The following ITGA2B variants were observed in gnomAD, a reference collection of about 807,000 sequenced individuals.
ITGA2B encodes the protein integrin alpha-IIb.
A neutral mutation model predicts 142.0 loss-of-function variants in ITGA2B; 91 were observed. The ratio of observed to expected loss-of-function variants is 0.64; its 90% confidence interval spans 0.54 to 0.76. The LOEUF (loss-of-function observed/expected upper bound fraction) is 0.76, where lower values mean the gene tolerates loss of function less well. Ranked by LOEUF, ITGA2B falls within the 30% of genes least tolerant of loss-of-function variation. The probability of loss-of-function intolerance (pLI) is 0.00; values close to 1 mark genes in which losing one functional copy is unlikely to be tolerated. For synonymous variants in ITGA2B, 536 were observed against 567.2 expected, an observed-to-expected ratio of 0.94 and a Z score of 0.78; for missense variants, 1,231 against 1,350.8, an observed-to-expected ratio of 0.91 and a Z score of 1.39.
intron 20 of ITGA2B, 98 bp from the exon 21 acceptor site, chr17:44,377,888 GGA>G: frequency 5.1e-6 from 4 of 786,242 alleles, no homozygotes; most frequent in East Asian, 5.4e-5. Context: ...GCCAAGGTAG[GGA>G]GGGGGGGGTT....
chr17:44,382,884 G>A lies in ITGA2B; in HGVS notation c.1210+609C>T, dbSNP rs551732658. Among the ~76,000 whole-genome samples the A allele has an allele frequency of 3.1e-3, 468 of 152,052 alleles. 4 individuals are homozygous for A. The highest frequency in any genetic ancestry group is 6.8e-3 in the Middle Eastern group (2 of 294). Reference sequence around the variant, plus strand: ...TCCTTCTCAGACTTACCTCCTGTAGGAGTCACCTAAATGCTTTTGCTCCCT... The same window carrying A: ...TCCTTCTCAGACTTACCTCCTGTAGAAGTCACCTAAATGCTTTTGCTCCCT... On this transcript the variant is annotated intron_variant, in intron 12 of 29. Transcript: ENST00000262407.
intron 12 of ITGA2B, 48 bp downstream of exon 12, chr17:44,383,445 G>T: frequency 1.3e-6 from 2 of 1,544,784 alleles, no homozygotes; most frequent in Non-Finnish European, 1.8e-6. Context: ...TGCTTTTTGA[G>T]TGGCTGTTAA....
At chr17:44,385,468 G>T in intron 4 of ITGA2B, 83 bp downstream of exon 4, 2 of 1,523,590 alleles carry the variant, frequency 1.3e-6, no homozygotes, top group Non-Finnish European at 1.8e-6. Flanking sequence ...CAAAGCAAGG[G>T]CTGCGGCGCT....
At chr17:44,384,242 C>T in intron 9 of ITGA2B, 69 bp downstream of exon 9, 3 of 1,586,462 alleles carry the variant, frequency 1.9e-6, no homozygotes, top group Non-Finnish European at 2.6e-6. Context: ...GGGTGGGGGG[C>T]GCTCAGGAGT....
chr17:44,383,483 C>T lies in ITGA2B; in HGVS notation c.1210+10G>A, dbSNP rs747385956. On this transcript the variant is annotated intron_variant, in intron 12 of 29. Transcript: ENST00000262407. ...CCTCTGCAGCAAGTAGGGCTCCTCT[C>T]TTCCCTCACCATTGTAGCCATCCCG... 2 of 1,603,846 alleles carry T rather than the reference C, an allele frequency of 1.2e-6. No individual in the cohort carries two copies. The highest frequency in any genetic ancestry group is 1.7e-6 in the Non-Finnish European group (2 of 1,178,174).
chr17:44,376,313 C>G lies in ITGA2B; in HGVS notation c.2343G>C (p.Leu781=). ...CTCCACCCCTGGCCTCTCACCCTCG[C>G]AGCTCCACTTGGGCCTCTGCCCGGA... The part of the protein sequence containing the change: ...VPVRAEAQVE[L]RGNSFPASLV... The change falls in exon 23 of 30, where the codon CTG becomes CTC. Residue 781 remains leucine, a synonymous_variant. Transcript: ENST00000262407. 1 of 1,614,216 alleles carries G rather than the reference C, an allele frequency of 6.2e-7. No individual in the cohort carries two copies. The highest frequency in any genetic ancestry group is 2.2e-5 in the East Asian group (1 of 44,880).
Position 44,376,073 on chromosome 17 carries a change from G to A in ITGA2B, c.2448+12C>T. 1 of 1,614,036 alleles carries A rather than the reference G, an allele frequency of 6.2e-7. No individual in the cohort carries two copies. On this transcript the variant is annotated intron_variant, in intron 24 of 29. Transcript: ENST00000262407. ...CGCTCACCCCAGCCAGGGACGCGAG[G>A]CTCCCCAATACCTCATAGGTGTGCT... is the stretch of plus-strand genomic sequence containing the variant.
chr17:44,378,051 A>G (rs1320064385), intron 20 of ITGA2B, among the ~76,000 whole-genome samples: 1 of 152,106 alleles, frequency 6.6e-6, no homozygotes, highest in African/African-American at 2.4e-5. Context: ...CAACATAAAA[A>G]ATAAATATAT....
At position 44,375,209 on chromosome 17, in the gene ITGA2B, G is replaced by A. The variant is rs564223176; in HGVS notation, c.2728-98C>T. On this transcript the variant is annotated intron_variant, in intron 26 of 29. Coordinates refer to ENST00000262407, the MANE Select transcript of ITGA2B (RefSeq NM_000419.5). ...AGGACCCAACGCAGAAGGGGCCGGGGGTTCAGGAAGCGGTGGCCTTCCCAT... is the reference window on the plus strand; with the variant it reads ...AGGACCCAACGCAGAAGGGGCCGGGAGTTCAGGAAGCGGTGGCCTTCCCAT... The A allele has an allele frequency of 8.8e-4, 889 of 1,009,626 alleles. 5 individuals carry two copies. Among genetic ancestry groups the A allele is most frequent in the Middle Eastern group, 4.6e-3 (19 of 4,120 alleles). 62.5% of individuals were successfully genotyped at this position (1,009,626 alleles called of 1,614,324 possible). A position where few individuals can be genotyped will look rare whatever the true frequency, so the allele number is the denominator to read the frequency against.
rs1236238956 is a variant in ITGA2B, at chr17:44,377,003, C to T, written c.2267+6G>A. 2 of 1,582,298 alleles carry T rather than the reference C, an allele frequency of 1.3e-6. No individual in the cohort carries two copies. Among genetic ancestry groups the T allele is most frequent in the Non-Finnish European group, 1.7e-6 (2 of 1,164,896 alleles). Reference sequence around the variant, plus strand: ...TGGTGGGTAGGCACGCTCGCCAGGTCAGTACCTCCGTATCTGCAGCTGGAA... The same window carrying T: ...TGGTGGGTAGGCACGCTCGCCAGGTTAGTACCTCCGTATCTGCAGCTGGAA... On this transcript the variant is annotated splice_donor_region_variant and intron_variant, in intron 22 of 29. Coordinates refer to ENST00000262407, the MANE Select transcript of ITGA2B (RefSeq NM_000419.5).
chr17:44,375,414 T>C (rs1598376304), intron 26 of ITGA2B, 177 bp downstream of exon 26: 1 of 761,450 alleles, frequency 1.3e-6, no homozygotes, highest in East Asian at 2.7e-5. Flanking sequence ...TGCAAGTGTC[T>C]TTCAGCTCAC....
chr17:44,375,257 C>G (rs1464836043), intron 26 of ITGA2B, 146 bp from the exon 27 acceptor site: 2 of 723,740 alleles, frequency 2.8e-6, no homozygotes, highest in Non-Finnish European at 4.8e-6. Flanking sequence ...TGGATCCAAG[C>G]TTCGGATGCT....
At chr17:44,374,823 A>C (rs2143430272) in intron 27 of ITGA2B, 63 bp from the exon 28 acceptor site, 1 of 1,450,326 alleles carries the variant, frequency 6.9e-7, no homozygotes, top group East Asian at 2.3e-5. Context: ...GCAGGAGTCC[A>C]GGTCCCACAC....
chr17:44,375,404 T>C lies in ITGA2B; in HGVS notation c.2727+187A>G, dbSNP rs1037124232. 9 of 704,954 alleles carry C rather than the reference T, an allele frequency of 1.3e-5. No individual in the cohort carries two copies. In the African/African-American group the frequency reaches 1.4e-4, roughly 11 times the overall value. 43.7% of individuals were successfully genotyped at this position (704,954 alleles called of 1,614,324 possible). On this transcript the variant is annotated intron_variant, in intron 26 of 29. Coordinates refer to ENST00000262407, the MANE Select transcript of ITGA2B (RefSeq NM_000419.5). ...AACGTACTGGGAAGCTTTTAAAAAGTGCAAGTGTCTTTCAGCTCACCCCAG... is the reference window on the plus strand; with the variant it reads ...AACGTACTGGGAAGCTTTTAAAAAGCGCAAGTGTCTTTCAGCTCACCCCAG...
At position 44,374,985 on chromosome 17, in the gene ITGA2B, C is replaced by T. The variant is rs558502381; in HGVS notation, c.2841+13G>A. 46 of 1,517,032 alleles carry T rather than the reference C, an allele frequency of 3.0e-5. No individual in the cohort carries two copies. In the African/African-American group the frequency reaches 4.8e-4, roughly 16 times the overall value. 94.0% of individuals were successfully genotyped at this position (1,517,032 alleles called of 1,614,324 possible). A position where few individuals can be genotyped will look rare whatever the true frequency, so the allele number is the denominator to read the frequency against. On this transcript the variant is annotated intron_variant, in intron 27 of 29. Coordinates refer to ENST00000262407, the MANE Select transcript of ITGA2B (RefSeq NM_000419.5). Reference sequence around the variant, plus strand: ...CAGAAGGCCCGGCCCCGCCCCACCACGGCCCACCCCACCTGGTAGAGGCTG... The same window carrying T: ...CAGAAGGCCCGGCCCCGCCCCACCATGGCCCACCCCACCTGGTAGAGGCTG...
Position 44,385,200 on chromosome 17 carries a change from G to GCT in ITGA2B, c.632_633dup (p.Leu212SerfsTer13). On this transcript the variant is annotated frameshift_variant, in exon 6 of 30. Coordinates refer to ENST00000262407, the MANE Select transcript of ITGA2B (RefSeq NM_000419.5). The stretch of plus-strand genomic sequence containing the variant: ...TAGCCGCCAGGAGCCCCAAGCACCA[G>GCT]CTCTCCGGCCTGGAAGGGAAGTCCT... 6.2e-7 allele frequency: 1 copy of GCT among 1,614,070 alleles called. No individual in the cohort carries two copies. Among genetic ancestry groups the GCT allele is most frequent in the Non-Finnish European group, 8.5e-7 (1 of 1,180,002 alleles).
intron 12 of ITGA2B, among the ~76,000 whole-genome samples, chr17:44,383,275 C>T (rs1466782240): frequency 1.3e-5 from 2 of 152,206 alleles, no homozygotes; most frequent in Non-Finnish European, 2.9e-5. Context: ...CCAAAATCCA[C>T]ATCCAGGTGG....
chr17:44,372,514 C>T, intron 29 of ITGA2B, 91 bp from the exon 30 acceptor site: 1 of 1,142,610 alleles, frequency 8.8e-7, no homozygotes. Flanking sequence ...ATGAGCACCT[C>T]CCTGGACCAG....
At chr17:44,373,379 G>A (rs143649376) in intron 29 of ITGA2B, among the ~76,000 whole-genome samples, 2,615 of 151,970 alleles carry the variant, frequency 0.017, 35 homozygotes, top group Non-Finnish European at 0.026. Context: ...CTCATGAACC[G>A]CCCACCTCGG....
Sources: allele counts gnomAD v4.1 joint callset (sites outside exome capture counted in the v4.1 genomes callset), GRCh38; gene constraint gnomAD v4.1.1; transcripts MANE v1.5; gene names NCBI Gene and HGNC (gene_info 2026-07-23, HGNC 2026-07-21).